Variants in FOXP4 observed in about 807,000 individuals in gnomAD.
The protein encoded by FOXP4 is forkhead box P4.
A neutral mutation model predicts 82.6 loss-of-function variants in FOXP4; 25 were observed. That is an observed-to-expected ratio of 0.30 (90% CI 0.22 to 0.42). The LOEUF (loss-of-function observed/expected upper bound fraction) is 0.42. Ranked by LOEUF, FOXP4 falls within the 10% of genes least tolerant of loss-of-function variation. The pLI is 1.00. For synonymous variants in FOXP4, 415 were observed against 388.2 expected (o/e 1.07, Z -0.81); for missense variants, 785 against 900.9 (o/e 0.87, Z 1.65).
chr6:41,574,408 T>C (rs1765363267), intron 2 of FOXP4, among the ~76,000 whole-genome samples: 1 of 152,230 alleles, frequency 6.6e-6, no homozygotes, highest in African/African-American at 2.4e-5. Context: ...TAGCTCAATG[T>C]TGTGAAGCTT....
chr6:41,551,182 G>A (rs1022095561), intron 1 of FOXP4, among the ~76,000 whole-genome samples: 4 of 152,194 alleles, frequency 2.6e-5, no homozygotes, highest in Admixed American at 1.3e-4. Flanking sequence ...GCAGAGCCTG[G>A]ACGCAGGGCA....
Position 41,599,136 on chromosome 6 carries a change from C to T in FOXP4, c.*200C>T. ...ACGGTCCCCACCCCCAGGGACACAACCCCTGGTCTTGGACCAGTAGAGGAC... is the reference window on the plus strand; with the variant it reads ...ACGGTCCCCACCCCCAGGGACACAATCCCTGGTCTTGGACCAGTAGAGGAC... On this transcript the variant is annotated 3_prime_UTR_variant, in exon 17 of 17. Transcript: ENST00000307972. 3.0e-6 allele frequency: 2 copies of T among 664,432 alleles called. No homozygotes were observed. Among genetic ancestry groups the T allele is most frequent in the Non-Finnish European group, 2.5e-6 (1 of 404,608 alleles). 41.2% of individuals were successfully genotyped at this position (664,432 alleles called of 1,614,324 possible).
chr6:41,598,850 C>A lies in FOXP4; in HGVS notation c.1957C>A (p.Pro653Thr), dbSNP rs772932288. 6.3e-7 allele frequency: 1 copy of A among 1,588,038 alleles called. No individual in the cohort carries two copies. The highest frequency in any genetic ancestry group is 8.6e-7 in the Non-Finnish European group (1 of 1,168,746). ...AGAGGAAGACAGGCAGCCCGGGCCT[C>A]CCCTGGGCGCCCCTAACCCCAGCGC... ...EAEEDRQPGP[P>T]LGAPNPSASG... The change falls in exon 17 of 17, where the codon CCC becomes ACC. Residue 653 changes from proline to threonine, a missense_variant. Coordinates refer to ENST00000307972, the MANE Select transcript of FOXP4 (RefSeq NM_001012426.2).
At chr6:41,592,462 C>G (rs540512341) in intron 13 of FOXP4, among the ~76,000 whole-genome samples, 3 of 152,294 alleles carry the variant, frequency 2.0e-5, no homozygotes, top group South Asian at 4.2e-4. Flanking sequence ...CATTCCTGCC[C>G]TCTTTCTGAG....
chr6:41,562,092 C>T (rs947103113), intron 1 of FOXP4, among the ~76,000 whole-genome samples: 3 of 152,228 alleles, frequency 2.0e-5, no homozygotes, highest in South Asian at 4.1e-4. Flanking sequence ...GGTGCTGTCG[C>T]GGCGCCCTGT....
intron 1 of FOXP4, among the ~76,000 whole-genome samples, chr6:41,551,743 G>C (rs998912535): frequency 1.6e-4 from 25 of 152,162 alleles, no homozygotes; most frequent in Non-Finnish European, 2.8e-4. Flanking sequence ...TACTCAAGTA[G>C]CAGCAAAGGG....
chr6:41,592,167 G>A (rs1766558684), intron 13 of FOXP4, among the ~76,000 whole-genome samples: 1 of 152,110 alleles, frequency 6.6e-6, no homozygotes, highest in East Asian at 1.9e-4. Flanking sequence ...GAGTCCCCCT[G>A]CTGGCCACTG....
At chr6:41,560,840 C>T (rs1275004506) in intron 1 of FOXP4, among the ~76,000 whole-genome samples, 1 of 152,250 alleles carries the variant, frequency 6.6e-6, no homozygotes, top group South Asian at 2.1e-4. Flanking sequence ...GTAATTAATA[C>T]TCGCTACGCC....
intron 13 of FOXP4, among the ~76,000 whole-genome samples, chr6:41,592,112 G>A (rs918615305): frequency 1.1e-4 from 17 of 151,982 alleles, no homozygotes; most frequent in Non-Finnish European, 2.2e-4. Flanking sequence ...GGTTAGACGC[G>A]GGGAAGGACT....
Position 41,585,421 on chromosome 6 carries a change from A to ACC in FOXP4, c.424-4_424-3dup. 2 of 1,610,504 alleles carry ACC rather than the reference A, an allele frequency of 1.2e-6. No individual in the cohort carries two copies. ...ACCCTGCCAGTGGTAACCCTCCTCC[A>ACC]CCCCCCCAGCTACAGGAGTACTACA... On this transcript the variant is annotated splice_polypyrimidine_tract_variant and intron_variant, in intron 4 of 16. Coordinates refer to ENST00000307972, the MANE Select transcript of FOXP4 (RefSeq NM_001012426.2).
chr6:41,555,234 G>A (rs1031828120), intron 1 of FOXP4, among the ~76,000 whole-genome samples: 5 of 152,108 alleles, frequency 3.3e-5, no homozygotes, highest in African/African-American at 1.2e-4. Context: ...GAGCGACACA[G>A]AGTGAGACCC....
intron 1 of FOXP4, among the ~76,000 whole-genome samples, chr6:41,564,290 G>C (rs903712656): frequency 6.6e-6 from 1 of 152,102 alleles, no homozygotes; most frequent in Non-Finnish European, 1.5e-5. Flanking sequence ...ATGGTGTTGC[G>C]TGCCTGTAGT....
At chr6:41,581,318 C>G (rs1396160274) in intron 3 of FOXP4, among the ~76,000 whole-genome samples, 1 of 152,210 alleles carries the variant, frequency 6.6e-6, no homozygotes, top group Non-Finnish European at 1.5e-5. Context: ...ACTCTCAGCC[C>G]TCAAATAAGC....
chr6:41,586,690 G>A (rs1028844419), intron 5 of FOXP4, among the ~76,000 whole-genome samples: 7 of 152,348 alleles, frequency 4.6e-5, no homozygotes, highest in African/African-American at 1.4e-4. Context: ...ACCCCCAGGC[G>A]TGCACAGCTG....
In FOXP4 at chr6:41,587,345, T is replaced by G. The variant is rs1581771977; in HGVS notation, c.705T>G (p.Gly235=). Residue 235 remains glycine, a synonymous_variant, in exon 7 of 17, where the codon GGT becomes GGG. Coordinates refer to ENST00000307972, the MANE Select transcript of FOXP4 (RefSeq NM_001012426.2). ...TDLPQLWKGE[G]APGQPAEDSV... ...TGCCCCAGCTGTGGAAGGGCGAGGG[T>G]GCCCCCGGGCAGCCTGCCGAGGACA... 1 of 1,611,058 alleles carries G rather than the reference T, an allele frequency of 6.2e-7. No homozygotes were observed. Among genetic ancestry groups the G allele is most frequent in the Non-Finnish European group, 8.5e-7 (1 of 1,178,606 alleles).
chr6:41,552,080 T>C (rs886532672), intron 1 of FOXP4, among the ~76,000 whole-genome samples: 2 of 151,256 alleles, frequency 1.3e-5, no homozygotes, highest in African/African-American at 4.9e-5. Context: ...AACCAGGGGG[T>C]GGGAGGTTGG....
intron 1 of FOXP4, among the ~76,000 whole-genome samples, chr6:41,551,852 A>G (rs6923227): frequency 0.15 from 22,585 of 152,120 alleles, 1,786 homozygotes; most frequent in African/African-American, 0.2. Flanking sequence ...TGGAGCGCCT[A>G]CTGTGTGCTG....
intron 2 of FOXP4, among the ~76,000 whole-genome samples, chr6:41,573,710 C>T (rs1029949285): frequency 1.3e-5 from 2 of 152,114 alleles, no homozygotes; most frequent in African/African-American, 4.8e-5. Context: ...ACATGCTGTT[C>T]CCAGGAACCC....
chr6:41,553,368 T>C (rs1764104208), intron 1 of FOXP4, among the ~76,000 whole-genome samples: 1 of 152,192 alleles, frequency 6.6e-6, no homozygotes, highest in African/African-American at 2.4e-5. Flanking sequence ...GCTTGGCCCT[T>C]GTGTGCCGCC....
Sources: allele counts gnomAD v4.1 joint callset (sites outside exome capture counted in the v4.1 genomes callset), GRCh38; gene constraint gnomAD v4.1.1; transcripts MANE v1.5; gene names NCBI Gene and HGNC (gene_info 2026-07-23, HGNC 2026-07-21).